QTMAN: variants seen among roughly 807,000 people sequenced by gnomAD.
The protein encoded by QTMAN is queuosine-tRNA mannosyltransferase.
the QTMAN span, among the ~76,000 whole-genome samples, chr2:144,023,069 T>C: frequency 4.6e-5 from 7 of 152,194 alleles, no homozygotes; most frequent in Non-Finnish European, 7.3e-5. Context: ...TATCTGAAGT[T>C]CGTGAGAATC....
At chr2:144,046,083 A>T in the QTMAN span, among the ~76,000 whole-genome samples, 1 of 152,230 alleles carries the variant, frequency 6.6e-6, no homozygotes, top group Non-Finnish European at 1.5e-5. Context: ...AGAGTTACAT[A>T]AGGAGAATCA....
At chr2:144,132,531 C>T in the QTMAN span, among the ~76,000 whole-genome samples, 13 of 152,160 alleles carry the variant, frequency 8.5e-5, no homozygotes, top group East Asian at 1.5e-3. Flanking sequence ...ATATCATAGC[C>T]GCTGGGCAGA....
At chr2:144,041,309 T>C in the QTMAN span, among the ~76,000 whole-genome samples, 5 of 152,084 alleles carry the variant, frequency 3.3e-5, no homozygotes, top group African/African-American at 1.2e-4. Flanking sequence ...GGGAAGGAAA[T>C]GTACCAAAAT....
At chr2:144,213,825 G>C in the QTMAN span, among the ~76,000 whole-genome samples, 1 of 152,140 alleles carries the variant, frequency 6.6e-6, no homozygotes, top group Non-Finnish European at 1.5e-5. Flanking sequence ...AGTGAAACTT[G>C]AGCGGTATTT....
the QTMAN span, among the ~76,000 whole-genome samples, chr2:144,121,844 C>T: frequency 6.6e-6 from 1 of 151,966 alleles, no homozygotes; most frequent in Non-Finnish European, 1.5e-5. Flanking sequence ...TTGTCTAAGT[C>T]CTTTTTGATA....
the QTMAN span, among the ~76,000 whole-genome samples, chr2:144,219,310 T>C: frequency 0.041 from 6,292 of 152,176 alleles, 172 homozygotes; most frequent in Non-Finnish European, 0.06. Flanking sequence ...TTTGTGTTTT[T>C]AGTAGAGACG....
the QTMAN span, among the ~76,000 whole-genome samples, chr2:144,023,407 C>T: frequency 1.3e-5 from 2 of 152,290 alleles, no homozygotes; most frequent in Admixed American, 1.3e-4. Context: ...CATGCAAACT[C>T]AAATCTCTGC....
chr2:144,308,107 C>T, the QTMAN span, among the ~76,000 whole-genome samples: 686 of 148,464 alleles, frequency 4.6e-3, 3 homozygotes, highest in African/African-American at 0.016. Context: ...GCATGATAGA[C>T]ATATAGATCA....
the QTMAN span, among the ~76,000 whole-genome samples, chr2:144,018,853 C>T: frequency 6.6e-6 from 1 of 152,036 alleles, no homozygotes; most frequent in African/African-American, 2.4e-5. Flanking sequence ...AGAACCCAGC[C>T]CTAGAAAGGG....
chr2:144,106,485 T>C, the QTMAN span, among the ~76,000 whole-genome samples: 5 of 151,986 alleles, frequency 3.3e-5, no homozygotes, highest in Admixed American at 3.3e-4. Flanking sequence ...ACTTTAAACC[T>C]ACAAAGATCA....
chr2:144,215,250 A>T, the QTMAN span, among the ~76,000 whole-genome samples: 1,254 of 133,418 alleles, frequency 9.4e-3, 11 homozygotes, highest in East Asian at 0.038. Flanking sequence ...TTTATTTTTT[A>T]AAAAAAAAAA....
At chr2:144,126,942 G>A in the QTMAN span, among the ~76,000 whole-genome samples, 2 of 152,064 alleles carry the variant, frequency 1.3e-5, no homozygotes, top group Admixed American at 6.6e-5. Context: ...TATATTATTT[G>A]TGCTAAACTG....
chr2:144,269,218 C>CTTTTA, the QTMAN span, among the ~76,000 whole-genome samples: 1 of 152,130 alleles, frequency 6.6e-6, no homozygotes. Context: ...ACTTTTAATT[C>CTTTTA]ATTTAAAAGT....
chr2:144,061,306 TTGAC>T, the QTMAN span, among the ~76,000 whole-genome samples: 1 of 152,196 alleles, frequency 6.6e-6, no homozygotes, highest in Non-Finnish European at 1.5e-5. Flanking sequence ...GTATGAAAAT[TTGAC>T]TGAACATTCA....
At chr2:144,285,021 C>T in the QTMAN span, among the ~76,000 whole-genome samples, 2 of 149,718 alleles carry the variant, frequency 1.3e-5, no homozygotes, top group Non-Finnish European at 1.5e-5. Flanking sequence ...GGTAGGATCA[C>T]TTGAGCCCAA....
chr2:144,255,869 A>ATATTGGT, the QTMAN span, among the ~76,000 whole-genome samples: 1 of 152,338 alleles, frequency 6.6e-6, no homozygotes, highest in African/African-American at 2.4e-5. Context: ...TGATGTATAA[A>ATATTGGT]TATTGGTTCG....
At chr2:144,300,524 C>T in the QTMAN span, among the ~76,000 whole-genome samples, 2 of 152,150 alleles carry the variant, frequency 1.3e-5, no homozygotes, top group African/African-American at 4.8e-5. Context: ...ATCCATTCAT[C>T]CATTACCTGG....
chr2:144,151,737 A>G, the QTMAN span, among the ~76,000 whole-genome samples: 1 of 152,340 alleles, frequency 6.6e-6, no homozygotes, highest in Admixed American at 6.5e-5. Context: ...AAGCATTTCA[A>G]AAGTCTTTGG....
the QTMAN span, among the ~76,000 whole-genome samples, chr2:144,099,951 T>C: frequency 6.6e-6 from 1 of 152,220 alleles, no homozygotes; most frequent in Non-Finnish European, 1.5e-5. Context: ...CTGTTATTAG[T>C]CACTTTACCC....
Sources: gnomAD v4.1 joint callset for allele counts (sites outside exome capture counted in the v4.1 genomes callset) on GRCh38, gnomAD v4.1.1 for gene constraint, MANE v1.5 for transcripts, NCBI Gene and HGNC (gene_info 2026-07-23, HGNC 2026-07-21) for gene names.